The following POU6F2 variants were observed in gnomAD, a reference collection of about 807,000 sequenced individuals.
POU6F2 encodes POU class 6 homeobox 2, also known as POU domain, class 6, transcription factor 2.
A neutral mutation model predicts 71.3 loss-of-function variants in POU6F2; 31 were observed. The ratio of observed to expected loss-of-function variants is 0.43; its 90% confidence interval spans 0.33 to 0.59. The LOEUF (loss-of-function observed/expected upper bound fraction) is 0.59, where lower values mean the gene tolerates loss of function less well. Among genes scored for constraint, POU6F2 ranks in the 20% least tolerant of loss-of-function variants. The probability of loss-of-function intolerance (pLI) is 0.04; values close to 1 mark genes in which losing one functional copy is unlikely to be tolerated. For missense variants in POU6F2, 783 were observed against 856.8 expected (o/e 0.91, Z 1.07); for synonymous variants, 347 against 355.7 (o/e 0.98, Z 0.27).
chr7:39,243,328 G>A (rs1783760162), intron 4 of POU6F2, among the ~76,000 whole-genome samples: 1 of 151,998 alleles, frequency 6.6e-6, no homozygotes, highest in Admixed American at 6.6e-5. Context: ...ACTAAATACA[G>A]GCTACTTTGG....
chr7:39,081,210 C>T (rs567674531), intron 1 of POU6F2, among the ~76,000 whole-genome samples: 1 of 152,258 alleles, frequency 6.6e-6, no homozygotes, highest in East Asian at 1.9e-4. Context: ...AGAAGCACTA[C>T]ACAAATATGT....
At chr7:39,212,765 A>G (rs1033371038) in intron 4 of POU6F2, among the ~76,000 whole-genome samples, 2 of 152,224 alleles carry the variant, frequency 1.3e-5, no homozygotes, top group Non-Finnish European at 2.9e-5. Flanking sequence ...CTTCCCTTTT[A>G]CTATTACTTT....
intron 4 of POU6F2, among the ~76,000 whole-genome samples, chr7:39,247,344 G>A (rs547728401): frequency 4.6e-5 from 7 of 152,002 alleles, no homozygotes; most frequent in Non-Finnish European, 5.9e-5. Context: ...CTAGCTACTC[G>A]GGAGGCTGAG....
At chr7:39,249,421 C>T (rs1313540105) in intron 4 of POU6F2, among the ~76,000 whole-genome samples, 3 of 152,160 alleles carry the variant, frequency 2.0e-5, no homozygotes, top group African/African-American at 7.2e-5. Context: ...TCTCTTAAAA[C>T]GTACAGCACC....
intron 6 of POU6F2, among the ~76,000 whole-genome samples, chr7:39,423,400 T>C (rs1208545474): frequency 2.0e-5 from 3 of 152,160 alleles, no homozygotes. Flanking sequence ...TGGTCTTCTA[T>C]AGTGGGAACT....
At chr7:39,078,913 T>G (rs140199814) in intron 1 of POU6F2, among the ~76,000 whole-genome samples, 2,045 of 152,120 alleles carry the variant, frequency 0.013, 41 homozygotes, top group African/African-American at 0.046. Context: ...GCAAGACTCC[T>G]TCTCAAAAAA....
chr7:39,079,180 CTTT>C (rs1162865518), intron 1 of POU6F2, among the ~76,000 whole-genome samples: 1 of 79,324 alleles, frequency 1.3e-5, no homozygotes, highest in Non-Finnish European at 2.2e-5. Flanking sequence ...CTCACAATAT[CTTT>C]TTTTTTTTTT....
At chr7:39,424,156 T>C (rs1787914913) in intron 6 of POU6F2, among the ~76,000 whole-genome samples, 1 of 152,140 alleles carries the variant, frequency 6.6e-6, no homozygotes, top group African/African-American at 2.4e-5. Context: ...TGGACACTAA[T>C]CCCATTTGAC....
chr7:39,467,724 A>G lies in POU6F2; in HGVS notation c.*3038A>G, dbSNP rs1789105678. The stretch of plus-strand genomic sequence containing the variant: ...CACACAGATGCACACACACATACAC[A>G]TACAACACAAAAGAGAGAACAAAAA... On this transcript the variant is annotated 3_prime_UTR_variant, in exon 10 of 10. Transcript: ENST00000518318. 1 of 152,252 alleles carries G rather than the reference A, an allele frequency of 6.6e-6. No individual in the cohort carries two copies. The highest frequency in any genetic ancestry group is 1.5e-5 in the Non-Finnish European group (1 of 68,050). The allele number at this position is 152,252 out of a possible 1,614,324, so 9.4% of individuals were successfully genotyped here.
intron 1 of POU6F2, among the ~76,000 whole-genome samples, chr7:39,052,667 A>G (rs1355007393): frequency 2.0e-5 from 3 of 152,178 alleles, no homozygotes; most frequent in Non-Finnish European, 2.9e-5. Context: ...AAACCGTATC[A>G]GCCAGTAAGT....
At chr7:39,157,919 C>T (rs530273090) in intron 2 of POU6F2, among the ~76,000 whole-genome samples, 6 of 152,138 alleles carry the variant, frequency 3.9e-5, no homozygotes, top group South Asian at 2.1e-4. Context: ...GGTTAGTAGC[C>T]GAAATATCTC....
At chr7:39,154,236 G>A (rs1022578917) in intron 2 of POU6F2, among the ~76,000 whole-genome samples, 2 of 152,102 alleles carry the variant, frequency 1.3e-5, no homozygotes, top group African/African-American at 4.8e-5. Context: ...CCAAGTAGCT[G>A]TGCTGGGCAT....
intron 1 of POU6F2, among the ~76,000 whole-genome samples, chr7:39,065,809 A>G (rs1453997037): frequency 6.6e-6 from 1 of 151,694 alleles, no homozygotes; most frequent in Non-Finnish European, 1.5e-5. Flanking sequence ...AAGAGGAAAA[A>G]GAAAGAAAAT....
At chr7:39,174,808 T>C (rs1015006535) in intron 2 of POU6F2, among the ~76,000 whole-genome samples, 10 of 152,154 alleles carry the variant, frequency 6.6e-5, no homozygotes, top group Non-Finnish European at 1.5e-4. Context: ...CTCTCTTCTC[T>C]GTCATAGCCT....
intron 6 of POU6F2, among the ~76,000 whole-genome samples, chr7:39,409,996 A>G (rs1787520232): frequency 6.6e-6 from 1 of 152,222 alleles, no homozygotes; most frequent in Non-Finnish European, 1.5e-5. Flanking sequence ...CATTCATTCA[A>G]AGAACAGGCA....
chr7:38,982,660 A>G (rs973649465), intron 1 of POU6F2, among the ~76,000 whole-genome samples: 1 of 152,128 alleles, frequency 6.6e-6, no homozygotes, highest in Non-Finnish European at 1.5e-5. Flanking sequence ...TAATACTACT[A>G]TCCAATAATG....
intron 4 of POU6F2, among the ~76,000 whole-genome samples, chr7:39,293,554 A>T (rs1283033574): frequency 6.6e-6 from 1 of 152,140 alleles, no homozygotes; most frequent in Non-Finnish European, 1.5e-5. Context: ...TAGAACCATT[A>T]TCGCTTCAGA....
At chr7:39,356,125 C>G (rs1451635958) in intron 5 of POU6F2, among the ~76,000 whole-genome samples, 1 of 152,198 alleles carries the variant, frequency 6.6e-6, no homozygotes, top group African/African-American at 2.4e-5. Context: ...TCTGTTTTCT[C>G]TCTAATCCAC....
chr7:39,056,668 GTGTGTGTGTA>G (rs1048899021), intron 1 of POU6F2, among the ~76,000 whole-genome samples: 27 of 130,752 alleles, frequency 2.1e-4, no homozygotes, highest in African/African-American at 5.8e-4. Flanking sequence ...CTCTCTGTGT[GTGTGTGTGTA>G]TGTGTGTGTG....
Sources: allele counts gnomAD v4.1 joint callset (sites outside exome capture counted in the v4.1 genomes callset), GRCh38; gene constraint gnomAD v4.1.1; transcripts MANE v1.5; gene names NCBI Gene and HGNC (gene_info 2026-07-23, HGNC 2026-07-21).